LRRIQ4: variants seen among roughly 807,000 people sequenced by gnomAD.
The protein encoded by LRRIQ4 is leucine-rich repeat and IQ domain-containing protein 4.
A neutral mutation model predicts 40.1 loss-of-function variants in LRRIQ4; 21 were observed. That is an observed-to-expected ratio of 0.52 (90% CI 0.37 to 0.75). The LOEUF is 0.75. LRRIQ4 is among the 30% of genes least tolerant of loss of function. The probability of loss-of-function intolerance (pLI) is 0.00; values close to 1 mark genes in which losing one functional copy is unlikely to be tolerated. For synonymous variants in LRRIQ4, 277 were observed against 277.1 expected, an observed-to-expected ratio of 1.00 and a Z score of 0.00; for missense variants, 655 against 660.0, an observed-to-expected ratio of 0.99 and a Z score of 0.08.
intron 2 of LRRIQ4, among the ~76,000 whole-genome samples, chr3:169,828,313 A>G (rs1311377948): frequency 6.6e-6 from 1 of 151,988 alleles, no homozygotes; most frequent in Non-Finnish European, 1.5e-5. Context: ...GCTCACTGCA[A>G]CCTCTGCCTC....
Position 169,822,837 on chromosome 3 carries a change from C to A in LRRIQ4, c.916C>A (p.Arg306Ser). Residue 306 changes from arginine (R) to serine (S), a missense_variant, in exon 2 of 6, where the codon CGC becomes AGC. Coordinates refer to ENST00000340806, the MANE Select transcript of LRRIQ4 (RefSeq NM_001080460.3). Reference protein sequence around the residue: ...RGSFRCLVNLRFLDLSQNHLH... With the variant: ...RGSFRCLVNLSFLDLSQNHLH... ...CTCCTTCAGGTGCCTGGTCAACTTG[C>A]GCTTCCTGGACCTAAGCCAGAACCA... 4 of 1,613,204 alleles carry A rather than the reference C, an allele frequency of 2.5e-6. No homozygotes were observed. Among genetic ancestry groups the A allele is most frequent in the Non-Finnish European group, 2.5e-6 (3 of 1,179,546 alleles).
At position 169,822,226 on chromosome 3, in the gene LRRIQ4, G is replaced by A. The variant is rs1779912694; in HGVS notation, c.305G>A (p.Ser102Asn). 6.2e-7 allele frequency: 1 copy of A among 1,604,150 alleles called. No individual in the cohort carries two copies. The highest frequency in any genetic ancestry group is 1.3e-5 in the African/African-American group (1 of 74,238). Residue 102 changes from serine to asparagine, a missense_variant, in exon 2 of 6, where the codon AGC (serine) becomes AAC (asparagine). By Grantham distance (46) the Ser-to-Asn change is conservative. Coordinates refer to ENST00000340806, the MANE Select transcript of LRRIQ4 (RefSeq NM_001080460.3). ...AGCAGCCTGGAGAGCCTGGACCTGA[G>A]CTACAACCCCATCTTCTCCTCCTCC... is the stretch of plus-strand genomic sequence containing the variant. ...LLSSLESLDL[S>N]YNPIFSSSLV...
In LRRIQ4 at chr3:169,822,159, A is replaced by G. The variant is rs755324721; in HGVS notation, c.238A>G (p.Lys80Glu). The G allele has an allele frequency of 6.2e-6, 10 of 1,612,010 alleles. No homozygotes were observed. In the Admixed American group the frequency reaches 8.4e-5, roughly 14 times the overall value. The stretch of plus-strand genomic sequence containing the variant: ...GAACATCAGGGTCCTCTACCTGGAT[A>G]AGAACAACCTGAGGAGCCTGTGCCC... ...LKNIRVLYLD[K>E]NNLRSLCPAL... Residue 80 changes from lysine to glutamate, a missense_variant, in exon 2 of 6, where the codon AAG becomes GAG. Lys to Glu is a moderately conservative substitution (Grantham distance 56, BLOSUM62 1). Transcript: ENST00000340806.
At chr3:169,832,083 G>A (rs1273991259) in intron 4 of LRRIQ4, among the ~76,000 whole-genome samples, 1 of 152,024 alleles carries the variant, frequency 6.6e-6, no homozygotes, top group African/African-American at 2.4e-5. Flanking sequence ...TTGGTCCCTG[G>A]AGGAGTGAAA....
Position 169,822,519 on chromosome 3 carries a change from A to C in LRRIQ4, c.598A>C (p.Ile200Leu). The C allele has an allele frequency of 1.2e-6, 2 of 1,613,990 alleles. No homozygotes were observed. Among genetic ancestry groups the C allele is most frequent in the Non-Finnish European group, 8.5e-7 (1 of 1,179,874 alleles). Residue 200 changes from isoleucine (I) to leucine (L), a missense_variant, in exon 2 of 6, where the codon ATA becomes CTA. Ile to Leu is a conservative substitution (Grantham distance 5, BLOSUM62 2). Transcript: ENST00000340806. ...AATCATTGACCTGGACGAGAACAAA[A>C]TAGGTGCCATCCCAGAAGAGATCGG... ...LEIIDLDENKIGAIPEEIGHL... is the reference protein window; with the variant it reads ...LEIIDLDENKLGAIPEEIGHL...
Position 169,822,548 on chromosome 3 carries a change from C to A in LRRIQ4, c.627C>A (p.His209Gln). ...GTGCCATCCCAGAAGAGATCGGACA[C>A]CTGACGGGGCTGCAGAAGTTCTATA... The part of the protein sequence containing the change: ...KIGAIPEEIG[H>Q]LTGLQKFYMA... The change falls in exon 2 of 6, where the codon CAC becomes CAA. Residue 209 changes from histidine (H) to glutamine (Q), a missense_variant. Transcript: ENST00000340806. 6.2e-7 allele frequency: 1 copy of A among 1,613,884 alleles called. No homozygotes were observed.
intron 1 of LRRIQ4, among the ~76,000 whole-genome samples, chr3:169,819,202 G>A (rs931681358): frequency 6.6e-6 from 1 of 152,150 alleles, no homozygotes; most frequent in Non-Finnish European, 1.5e-5. Context: ...CTCAATTACT[G>A]TGGCAGAATT....
At chr3:169,813,908 G>A (rs1050563529) in intron 1 of LRRIQ4, among the ~76,000 whole-genome samples, 6 of 152,142 alleles carry the variant, frequency 3.9e-5, no homozygotes, top group Admixed American at 1.3e-4. Flanking sequence ...GCATGCAGAC[G>A]GGCAGGTTGT....
chr3:169,823,009 GT>G, intron 2 of LRRIQ4, 68 bp downstream of exon 2: 1 of 1,348,120 alleles, frequency 7.4e-7, no homozygotes, highest in African/African-American at 1.5e-5. Flanking sequence ...AGTTGGTTCT[GT>G]ATCTAAACAG....
intron 2 of LRRIQ4, among the ~76,000 whole-genome samples, chr3:169,828,298 T>C (rs1780086541): frequency 1.3e-5 from 2 of 152,036 alleles, no homozygotes; most frequent in Admixed American, 1.3e-4. Flanking sequence ...AGTGGCACAA[T>C]CTCGGCTCAC....
rs1780102552 is a variant in LRRIQ4 at position 169,828,916 on chromosome 3, A to C, written c.1178A>C (p.His393Pro). ...QGFKLTYVPE[H>P]IRKLQSLKEL... is the part of the protein sequence containing the mutation. Reference sequence around the variant, plus strand: ...TTCAAACTTACCTATGTGCCAGAACACATTAGGAAACTGCAGGTAAGCCTC... The same window carrying C: ...TTCAAACTTACCTATGTGCCAGAACCCATTAGGAAACTGCAGGTAAGCCTC... The change falls in exon 3 of 6, where the codon CAC (histidine) becomes CCC (proline). Residue 393 changes from histidine to proline, a missense_variant. His to Pro is a moderately conservative substitution (Grantham distance 77, BLOSUM62 -2). Coordinates refer to ENST00000340806, the MANE Select transcript of LRRIQ4 (RefSeq NM_001080460.3). 1 of 1,606,922 alleles carries C rather than the reference A, an allele frequency of 6.2e-7. No individual in the cohort carries two copies.
chr3:169,824,228 G>A (rs1203248687), intron 2 of LRRIQ4, among the ~76,000 whole-genome samples: 2 of 152,076 alleles, frequency 1.3e-5, no homozygotes, highest in East Asian at 1.9e-4. Flanking sequence ...CAACAAAATA[G>A]GGAAGCAGCT....
At chr3:169,823,231 G>A (rs1223904169) in intron 2 of LRRIQ4, among the ~76,000 whole-genome samples, 2 of 152,130 alleles carry the variant, frequency 1.3e-5, no homozygotes, top group African/African-American at 4.8e-5. Context: ...AATGGTATAT[G>A]AAGGAAGTGA....
In LRRIQ4 at chr3:169,835,364, C is replaced by CTGTG. The variant is rs149888477; in HGVS notation, c.1531-2087_1531-2084dup. ...CACTTGTACTTTGAATTGTCTTTTTCTGTGTGTGTGTGTGTGTGTGTGTGT... is the reference window on the plus strand; with the variant it reads ...CACTTGTACTTTGAATTGTCTTTTTCTGTGTGTGTGTGTGTGTGTGTGTGTGTGT... On this transcript the variant is annotated intron_variant, in intron 5 of 5. Transcript: ENST00000340806. 4.8e-3 allele frequency among the ~76,000 whole-genome samples: 708 copies of CTGTG among 146,504 alleles called. 4 individuals carry two copies. Among genetic ancestry groups the CTGTG allele is most frequent in the Middle Eastern group, 0.014 (4 of 284 alleles).
intron 1 of LRRIQ4, among the ~76,000 whole-genome samples, chr3:169,815,658 A>G (rs1576757541): frequency 6.6e-6 from 1 of 152,184 alleles, no homozygotes; most frequent in South Asian, 2.1e-4. Flanking sequence ...TGCTCTAGCT[A>G]AGACTTCCAG....
chr3:169,827,507 T>C (rs1780066155), intron 2 of LRRIQ4, among the ~76,000 whole-genome samples: 1 of 145,084 alleles, frequency 6.9e-6, no homozygotes, highest in African/African-American at 2.6e-5. Flanking sequence ...CTCGGGAGGC[T>C]GAGGCAGGAG....
intron 2 of LRRIQ4, among the ~76,000 whole-genome samples, chr3:169,827,464 G>A (rs576822807): frequency 1.7e-4 from 26 of 152,062 alleles, no homozygotes; most frequent in African/African-American, 4.8e-4. Context: ...AAAATTAGCC[G>A]GGCGTGGTGG....
At chr3:169,832,501 G>A (rs9816754) in intron 4 of LRRIQ4, among the ~76,000 whole-genome samples, 6,300 of 150,716 alleles carry the variant, frequency 0.042, 323 homozygotes, top group African/African-American at 0.12. Flanking sequence ...GTGTGGTGGC[G>A]TGCACCTGAA....
At chr3:169,831,733 C>T (rs2108184028) in intron 4 of LRRIQ4, among the ~76,000 whole-genome samples, 1 of 151,402 alleles carries the variant, frequency 6.6e-6, no homozygotes, top group East Asian at 2.0e-4. Context: ...CTTTGGGACG[C>T]CGAGGAGGGC....
Sources: gnomAD v4.1 joint callset for allele counts (sites outside exome capture counted in the v4.1 genomes callset) on GRCh38, gnomAD v4.1.1 for gene constraint, MANE v1.5 for transcripts, NCBI Gene and HGNC (gene_info 2026-07-23, HGNC 2026-07-21) for gene names.